BICD1: variants seen among roughly 807,000 people sequenced by gnomAD.
BICD1 encodes the protein BICD cargo adaptor 1.
Under a neutral mutation model 92.5 loss-of-function variants are expected in BICD1, and 35 were observed. The ratio of observed to expected loss-of-function variants is 0.38; its 90% CI spans 0.29 to 0.50. The LOEUF is 0.50. Ranked by LOEUF, BICD1 falls within the 20% of genes least tolerant of loss-of-function variation. The pLI is 0.93. For missense variants in BICD1, 950 were observed against 1,189.8 expected, an observed-to-expected ratio of 0.80 and a Z score of 2.97; for synonymous variants, 429 against 465.1, an observed-to-expected ratio of 0.92 and a Z score of 1.00.
At chr12:32,297,905 G>A (rs1383011422) in intron 3 of BICD1, among the ~76,000 whole-genome samples, 2 of 152,070 alleles carry the variant, frequency 1.3e-5, no homozygotes, top group East Asian at 3.9e-4. Flanking sequence ...AAGAAAACTG[G>A]CCAGGCACGG....
At chr12:32,138,349 C>T (rs1178011782) in intron 1 of BICD1, among the ~76,000 whole-genome samples, 1 of 152,122 alleles carries the variant, frequency 6.6e-6, no homozygotes, top group East Asian at 1.9e-4. Context: ...TCTCCAAGTG[C>T]TTTAAATATA....
chr12:32,295,839 G>A (rs970865102), intron 3 of BICD1, among the ~76,000 whole-genome samples: 20 of 152,034 alleles, frequency 1.3e-4, no homozygotes, highest in Non-Finnish European at 2.5e-4. Context: ...TTTCAGTAAA[G>A]ACAGGGTTGT....
intron 2 of BICD1, among the ~76,000 whole-genome samples, chr12:32,259,408 A>C (rs1946800593): frequency 6.6e-6 from 1 of 152,252 alleles, no homozygotes; most frequent in Non-Finnish European, 1.5e-5. Flanking sequence ...ATCTATGTAA[A>C]GCAATGTATC....
chr12:32,302,186 C>T (rs956419962), intron 3 of BICD1, among the ~76,000 whole-genome samples: 5 of 152,054 alleles, frequency 3.3e-5, no homozygotes, highest in Admixed American at 3.3e-4. Context: ...GAGCCCAGCC[C>T]GAACTTTTGA....
chr12:32,284,224 G>A (rs773939178), intron 2 of BICD1, among the ~76,000 whole-genome samples: 1 of 152,188 alleles, frequency 6.6e-6, no homozygotes, highest in Non-Finnish European at 1.5e-5. Flanking sequence ...GAGAAGGCCT[G>A]TTCCCACACC....
At chr12:32,218,965 A>G (rs980242571) in intron 2 of BICD1, among the ~76,000 whole-genome samples, 7 of 152,208 alleles carry the variant, frequency 4.6e-5, no homozygotes, top group Non-Finnish European at 7.3e-5. Flanking sequence ...GTATTGATAC[A>G]CACTTTTAAT....
rs189786348 is a variant in BICD1 at position 32,373,668 on chromosome 12, C to G, written c.2841-3872C>G. The stretch of plus-strand genomic sequence containing the variant: ...CGGGTGGATCACAAGGTCAGGAGTT[C>G]GAGACTGTCATGGCTAACACAGTGA... On this transcript the variant is annotated intron_variant, in intron 9 of 9. Transcript: ENST00000652176. Among the ~76,000 whole-genome samples, 478 of 151,140 alleles carry G rather than the reference C, an allele frequency of 3.2e-3. 1 individual carries two copies. Among genetic ancestry groups the G allele is most frequent in the South Asian group, 7.1e-3 (34 of 4,774 alleles).
intron 2 of BICD1, among the ~76,000 whole-genome samples, chr12:32,283,359 A>ACCCCTCCACTCCACTCCACTCCACT (rs1555162593): frequency 6.7e-6 from 1 of 149,436 alleles, no homozygotes; most frequent in Admixed American, 6.7e-5. Context: ...TGGGCATTTG[A>ACCCCTCCACTCCACTCCACTCCACT]CCACTCCACT....
At chr12:32,215,200 T>C (rs1007539038) in intron 1 of BICD1, among the ~76,000 whole-genome samples, 2 of 152,060 alleles carry the variant, frequency 1.3e-5, no homozygotes, top group Admixed American at 1.3e-4. Context: ...CTGCATTCTA[T>C]CCTGGGTGGC....
chr12:32,177,972 T>G (rs1944166061), intron 1 of BICD1, among the ~76,000 whole-genome samples: 2 of 151,324 alleles, frequency 1.3e-5, no homozygotes, highest in South Asian at 4.1e-4. Flanking sequence ...CAGTATGCAT[T>G]CTATGGCCCT....
chr12:32,340,806 C>T (rs1251756864), intron 8 of BICD1: 1 of 153,900 alleles, frequency 6.5e-6, no homozygotes, highest in Non-Finnish European at 1.4e-5. Context: ...CACTACTTCT[C>T]TTCTTGTCCA....
chr12:32,325,608 C>T (rs1031223792), intron 4 of BICD1, among the ~76,000 whole-genome samples: 10 of 152,156 alleles, frequency 6.6e-5, no homozygotes, highest in African/African-American at 2.4e-4. Flanking sequence ...TACTACTCTA[C>T]TCTATTATAC....
chr12:32,114,396 T>G (rs1332261466), intron 1 of BICD1, among the ~76,000 whole-genome samples: 1 of 152,120 alleles, frequency 6.6e-6, no homozygotes, highest in East Asian at 1.9e-4. Flanking sequence ...TTTTTTCTTT[T>G]TTTGAGATGG....
chr12:32,367,273 C>T (rs939637183), intron 8 of BICD1, among the ~76,000 whole-genome samples: 28 of 152,246 alleles, frequency 1.8e-4, no homozygotes, highest in South Asian at 4.1e-4. Context: ...TATCTGAATG[C>T]GTTCCATTTT....
At chr12:32,229,768 T>G (rs1223654313) in intron 2 of BICD1, among the ~76,000 whole-genome samples, 1 of 152,124 alleles carries the variant, frequency 6.6e-6, no homozygotes, top group Non-Finnish European at 1.5e-5. Flanking sequence ...CGAGATGGGC[T>G]CACGTGCAAG....
chr12:32,255,154 C>T (rs1361554682), intron 2 of BICD1, among the ~76,000 whole-genome samples: 2 of 152,130 alleles, frequency 1.3e-5, no homozygotes, highest in Non-Finnish European at 2.9e-5. Flanking sequence ...CGTGACTTTT[C>T]CTCTGTGCTT....
At chr12:32,322,479 T>C (rs1439810832) in intron 4 of BICD1, among the ~76,000 whole-genome samples, 1 of 152,168 alleles carries the variant, frequency 6.6e-6, no homozygotes, top group Non-Finnish European at 1.5e-5. Flanking sequence ...GGGTTCGCAC[T>C]CCTATGGCAA....
chr12:32,294,254 T>C (rs1947801448), intron 3 of BICD1, 108 bp downstream of exon 3: 2 of 1,140,120 alleles, frequency 1.8e-6, no homozygotes, highest in South Asian at 1.7e-5. Flanking sequence ...TTTTATCTTC[T>C]CTCTATAACA....
intron 1 of BICD1, among the ~76,000 whole-genome samples, chr12:32,193,617 A>T (rs1232130576): frequency 1.3e-5 from 2 of 152,200 alleles, no homozygotes; most frequent in African/African-American, 4.8e-5. Context: ...GAAGAAATGG[A>T]TCAATTCCTA....
Sources: allele counts gnomAD v4.1 joint callset (sites outside exome capture counted in the v4.1 genomes callset), GRCh38; gene constraint gnomAD v4.1.1; transcripts MANE v1.5; gene names NCBI Gene and HGNC (gene_info 2026-07-23, HGNC 2026-07-21).